The following TBC1D23 variants were observed in gnomAD, a reference collection of about 807,000 sequenced individuals.
TBC1D23 encodes the protein TBC1 domain family member 23.
In TBC1D23, 55 loss-of-function variants were observed where a neutral mutation model predicts 91.4. The ratio of observed to expected loss-of-function variants is 0.60; its 90% CI spans 0.48 to 0.75. TBC1D23 has a LOEUF of 0.75. Among genes scored for constraint, TBC1D23 ranks in the 30% least tolerant of loss-of-function variants. TBC1D23 has a pLI of 0.00. For synonymous variants in TBC1D23, 289 were observed against 281.0 expected, an observed-to-expected ratio of 1.03 and a Z score of -0.28; for missense variants, 725 against 836.1, an observed-to-expected ratio of 0.87 and a Z score of 1.64.
At position 100,306,552 on chromosome 3, in the gene TBC1D23, ATGTAGAGAATATGT is replaced by A. The variant is rs773095087; in HGVS notation, c.1413+11_1413+24del. The A allele has an allele frequency of 2.7e-6, 4 of 1,497,460 alleles. No individual in the cohort carries two copies. The South Asian group carries it at 4.6e-5, about 17-fold the overall frequency. 92.8% of individuals were successfully genotyped at this position (1,497,460 alleles called of 1,614,324 possible). A position where few individuals can be genotyped will look rare whatever the true frequency, so the allele number is the denominator to read the frequency against. On this transcript the variant is annotated intron_variant, in intron 13 of 18. Coordinates refer to ENST00000394144, the MANE Select transcript of TBC1D23 (RefSeq NM_001199198.3). ...GTATCAATTCTGTTGATGTAAGTAT[ATGTAGAGAATATGT>A]TACCGGATTTGGATAAGTTCCCAGA...
chr3:100,313,833 T>A (rs1276212350), intron 15 of TBC1D23, among the ~76,000 whole-genome samples: 1 of 152,118 alleles, frequency 6.6e-6, no homozygotes, highest in African/African-American at 2.4e-5. Flanking sequence ...GAATCTGAGT[T>A]TCAAAGGCAT....
At chr3:100,319,359 A>G (rs1705809454) in intron 17 of TBC1D23, among the ~76,000 whole-genome samples, 155 bp downstream of exon 17, 2 of 152,218 alleles carry the variant, frequency 1.3e-5, no homozygotes, top group African/African-American at 4.8e-5. Flanking sequence ...TTACAGTATT[A>G]TGTAATTTTT....
At chr3:100,318,213 A>T (rs999009037) in intron 16 of TBC1D23, among the ~76,000 whole-genome samples, 1 of 152,150 alleles carries the variant, frequency 6.6e-6, no homozygotes, top group African/African-American at 2.4e-5. Context: ...GTTAGAAAGC[A>T]AAGGACAGAA....
At position 100,295,130 on chromosome 3, in the gene TBC1D23, A is replaced by G. The variant is rs1036737488; in HGVS notation, c.644A>G (p.Gln215Arg). The G allele has an allele frequency of 6.2e-7, 1 of 1,604,402 alleles. No homozygotes were observed. Among genetic ancestry groups the G allele is most frequent in the Non-Finnish European group, 8.5e-7 (1 of 1,177,162 alleles). The change falls in exon 6 of 19, where the codon CAG (glutamine) becomes CGG (arginine). Residue 215 changes from glutamine to arginine, a missense_variant. Coordinates refer to ENST00000394144, the MANE Select transcript of TBC1D23 (RefSeq NM_001199198.3). ...TGTTACTGTTCCACTGAAGTCACTC[A>G]GGCAATATGGGATGGATATCTACAA... is the stretch of plus-strand genomic sequence containing the variant. Reference protein sequence around the residue: ...FACYCSTEVTQAIWDGYLQQA... With the variant: ...FACYCSTEVTRAIWDGYLQQA...
intron 4 of TBC1D23, 42 bp downstream of exon 4, chr3:100,283,853 C>T: frequency 1.5e-6 from 2 of 1,329,032 alleles, no homozygotes; most frequent in Non-Finnish European, 1.1e-6. Flanking sequence ...AAAGTGAATA[C>T]AGGCCTGGTT....
chr3:100,285,880 CTT>C (rs1378883100), intron 4 of TBC1D23, among the ~76,000 whole-genome samples: 1 of 150,282 alleles, frequency 6.7e-6, no homozygotes, highest in Non-Finnish European at 1.5e-5. Flanking sequence ...AGAAATGACT[CTT>C]TACCCAAAGT....
At chr3:100,312,371 T>G (rs982210247) in intron 15 of TBC1D23, among the ~76,000 whole-genome samples, 2 of 152,220 alleles carry the variant, frequency 1.3e-5, no homozygotes, top group South Asian at 4.1e-4. Context: ...TGTATATAGG[T>G]TGAGTTAGCA....
chr3:100,289,075 A>G (rs994386016), intron 4 of TBC1D23, among the ~76,000 whole-genome samples: 21 of 151,968 alleles, frequency 1.4e-4, no homozygotes, highest in African/African-American at 4.8e-4. Context: ...TCGCCTGGGC[A>G]TGGTGGATGT....
chr3:100,301,258 G>A (rs1178948879), intron 10 of TBC1D23, among the ~76,000 whole-genome samples: 3 of 135,750 alleles, frequency 2.2e-5, no homozygotes, highest in African/African-American at 8.7e-5. Context: ...GGGTGACAGA[G>A]GGAGATTCCG....
At chr3:100,321,035 T>C in intron 18 of TBC1D23, 64 bp downstream of exon 18, 1 of 1,224,306 alleles carries the variant, frequency 8.2e-7, no homozygotes, top group Non-Finnish European at 1.1e-6. Flanking sequence ...TGTAGTTCAC[T>C]ATAAAGAGTT....
chr3:100,289,848 A>AC (rs1333502594), intron 4 of TBC1D23, among the ~76,000 whole-genome samples: 2 of 152,168 alleles, frequency 1.3e-5, no homozygotes, highest in African/African-American at 4.8e-5. Flanking sequence ...AGATTATTTC[A>AC]CCACCCAGGT....
At chr3:100,262,277 G>A (rs1200005690) in intron 1 of TBC1D23, among the ~76,000 whole-genome samples, 2 of 152,246 alleles carry the variant, frequency 1.3e-5, no homozygotes, top group Admixed American at 6.5e-5. Context: ...GAGGTTGGCG[G>A]TGGGGGCTGG....
chr3:100,305,850 A>T (rs1352113421), intron 12 of TBC1D23, among the ~76,000 whole-genome samples: 1 of 152,148 alleles, frequency 6.6e-6, no homozygotes, highest in African/African-American at 2.4e-5. Flanking sequence ...GCTCAGTGTT[A>T]TTTATTAGGA....
intron 9 of TBC1D23, among the ~76,000 whole-genome samples, chr3:100,298,787 C>A (rs1419200095): frequency 6.6e-6 from 1 of 152,184 alleles, no homozygotes; most frequent in Non-Finnish European, 1.5e-5. Context: ...TTAGTTGAAA[C>A]TGGTATTTCA....
chr3:100,265,369 C>T (rs190848419), intron 1 of TBC1D23, among the ~76,000 whole-genome samples: 101 of 152,320 alleles, frequency 6.6e-4, no homozygotes, highest in African/African-American at 2.4e-3. Context: ...AGCTTTCAAG[C>T]TCCCTGGGAT....
intron 5 of TBC1D23, 55 bp downstream of exon 5, chr3:100,290,756 A>T: frequency 2.2e-6 from 3 of 1,366,182 alleles, no homozygotes; most frequent in Non-Finnish European, 3.0e-6. Flanking sequence ...GTAAAGCTAT[A>T]GTTAGGTGGG....
intron 1 of TBC1D23, among the ~76,000 whole-genome samples, chr3:100,273,050 C>G (rs1202938346): frequency 6.6e-6 from 1 of 152,166 alleles, no homozygotes; most frequent in South Asian, 2.1e-4. Context: ...TTACGGGTGT[C>G]GGGCTAGGGG....
chr3:100,311,931 T>C, intron 15 of TBC1D23, 54 bp downstream of exon 15: 1 of 1,206,436 alleles, frequency 8.3e-7, no homozygotes, highest in Non-Finnish European at 1.2e-6. Context: ...TTTAATATGC[T>C]TCATGCCATC....
chr3:100,316,268 A>C, intron 16 of TBC1D23, 81 bp downstream of exon 16: 1 of 954,578 alleles, frequency 1.0e-6, no homozygotes, highest in African/African-American at 1.6e-5. Flanking sequence ...TAGCCAATCA[A>C]CTGCTTTTTT....
Sources: gnomAD v4.1 joint callset for allele counts (sites outside exome capture counted in the v4.1 genomes callset) on GRCh38, gnomAD v4.1.1 for gene constraint, MANE v1.5 for transcripts, NCBI Gene and HGNC (gene_info 2026-07-23, HGNC 2026-07-21) for gene names.